The following NWD2 variants were observed in gnomAD, a reference collection of about 807,000 sequenced individuals.
The protein encoded by NWD2 is NACHT and WD repeat domain-containing protein 2.
Under a neutral mutation model 132.7 loss-of-function variants are expected in NWD2, and 37 were observed. The observed-to-expected ratio is 0.28, with a 90% CI of 0.21 to 0.37. The LOEUF is 0.37. Among genes scored for constraint, NWD2 ranks in the 10% least tolerant of loss-of-function variants. NWD2 has a pLI of 1.00. For synonymous variants in NWD2, 705 were observed against 803.0 expected (o/e 0.88, Z 2.06); for missense variants, 1,592 against 2,122.4 (o/e 0.75, Z 4.91).
chr4:37,360,343 C>T (rs1273557775), intron 3 of NWD2, among the ~76,000 whole-genome samples: 1 of 151,956 alleles, frequency 6.6e-6, no homozygotes, highest in Non-Finnish European at 1.5e-5. Context: ...TAATTTTTCC[C>T]CTTAAAAATG....
At chr4:37,440,696 A>G (rs532376771) in intron 6 of NWD2, among the ~76,000 whole-genome samples, 15 of 152,298 alleles carry the variant, frequency 9.8e-5, no homozygotes, top group Admixed American at 4.6e-4. Context: ...ATCTGTTAAC[A>G]GTAGCAAAAC....
intron 3 of NWD2, among the ~76,000 whole-genome samples, chr4:37,377,141 G>A (rs556619297): frequency 6.6e-6 from 1 of 152,162 alleles, no homozygotes; most frequent in African/African-American, 2.4e-5. Context: ...CTCAATTATA[G>A]GCCAGTGACA....
rs993779676 is a variant in NWD2 at position 37,430,829 on chromosome 4, C to T, written c.561+54C>T. 35 of 1,442,666 alleles carry T rather than the reference C, an allele frequency of 2.4e-5. No homozygotes were observed. In the African/African-American group the frequency reaches 3.7e-4, roughly 15 times the overall value. 89.4% of individuals were successfully genotyped at this position (1,442,666 alleles called of 1,614,324 possible). ...ATCTGTCCATTACTACATTTGTTAC[C>T]ATTTATGTCATCCGGGGTGGTGCTG... On this transcript the variant is annotated intron_variant, in intron 4 of 6. Coordinates refer to ENST00000309447, the MANE Select transcript of NWD2 (RefSeq NM_001144990.2).
intron 1 of NWD2, among the ~76,000 whole-genome samples, chr4:37,275,229 A>G (rs1166128375): frequency 2.6e-5 from 4 of 152,226 alleles, no homozygotes; most frequent in African/African-American, 9.7e-5. Flanking sequence ...AACTTCAGCA[A>G]AGTCTCAGGA....
At chr4:37,287,905 C>T (rs1718268362) in intron 1 of NWD2, among the ~76,000 whole-genome samples, 1 of 152,210 alleles carries the variant, frequency 6.6e-6, no homozygotes, top group South Asian at 2.1e-4. Flanking sequence ...GTCATGGAAC[C>T]AACCCAAATG....
At position 37,313,515 on chromosome 4, in the gene NWD2, G is replaced by C. The variant is rs1487443735; in HGVS notation, c.152-12421G>C. Among the ~76,000 whole-genome samples the C allele has an allele frequency of 1.1e-4, 10 of 87,874 alleles. 1 individual carries two copies. Among genetic ancestry groups the C allele is most frequent in the Non-Finnish European group, 2.2e-4 (7 of 32,530 alleles). The allele number at this position is 87,874 out of a possible 152,430, so 57.6% of individuals were successfully genotyped here. ...TTTATTGTGTCTAGTTGATTCTTCT[G>C]TCTTTTTTTCTTTATTAGTCTTGCT... On this transcript the variant is annotated intron_variant, in intron 1 of 6. Transcript: ENST00000309447.
intron 1 of NWD2, among the ~76,000 whole-genome samples, chr4:37,312,657 C>T (rs1718871528): frequency 6.6e-6 from 1 of 150,782 alleles, no homozygotes; most frequent in Admixed American, 6.6e-5. Context: ...CCAGAACTTC[C>T]AACACTATGT....
At chr4:37,319,822 C>T (rs371047291) in intron 1 of NWD2, among the ~76,000 whole-genome samples, 1 of 152,024 alleles carries the variant, frequency 6.6e-6, no homozygotes, top group Non-Finnish European at 1.5e-5. Flanking sequence ...TATTATGTTA[C>T]GTTGGTCTAT....
intron 3 of NWD2, among the ~76,000 whole-genome samples, chr4:37,371,078 C>CTTTTTTTTTT (rs11378524): frequency 5.0e-5 from 6 of 121,202 alleles, no homozygotes; most frequent in African/African-American, 1.2e-4. Context: ...TTTTCTTTTT[C>CTTTTTTTTTT]TTTTTTTTTT....
chr4:37,322,898 A>G (rs1244508882), intron 1 of NWD2, among the ~76,000 whole-genome samples: 1 of 152,188 alleles, frequency 6.6e-6, no homozygotes, highest in Non-Finnish European at 1.5e-5. Flanking sequence ...AAGCTTTAGG[A>G]CTTTAACATC....
rs1040834774 is a variant in NWD2 at position 37,439,903 on chromosome 4, T to C, written c.1296+513T>C. Among the ~76,000 whole-genome samples, 1 of 152,208 alleles carries C rather than the reference T, an allele frequency of 6.6e-6. No homozygotes were observed. The highest frequency in any genetic ancestry group is 1.5e-5 in the Non-Finnish European group (1 of 68,040). On this transcript the variant is annotated intron_variant, in intron 6 of 6. Coordinates refer to ENST00000309447, the MANE Select transcript of NWD2 (RefSeq NM_001144990.2). This position sits in a 1 kb window ranked among gnomAD's most constrained non-coding sequence, Gnocchi z 4.5. ...CCACGTGGCACTTCTTTCTCTCCTTTCCTAATCCCAATGACATTTATGATT... is the reference window on the plus strand; with the variant it reads ...CCACGTGGCACTTCTTTCTCTCCTTCCCTAATCCCAATGACATTTATGATT...
intron 3 of NWD2, among the ~76,000 whole-genome samples, chr4:37,381,375 C>T (rs568127987): frequency 4.6e-5 from 7 of 152,302 alleles, no homozygotes; most frequent in African/African-American, 1.7e-4. Flanking sequence ...AGTGGGATAT[C>T]GAATCCCATT....
chr4:37,276,846 A>G (rs1215875421), intron 1 of NWD2, among the ~76,000 whole-genome samples: 1 of 152,124 alleles, frequency 6.6e-6, no homozygotes, highest in Non-Finnish European at 1.5e-5. Context: ...GATATGGATG[A>G]AGCTGGAAAC....
chr4:37,435,867 T>C (rs1254447818), intron 5 of NWD2, among the ~76,000 whole-genome samples: 3 of 152,220 alleles, frequency 2.0e-5, no homozygotes, highest in Non-Finnish European at 4.4e-5. Flanking sequence ...TTCAAACTCC[T>C]TTTAAGATCA....
intron 1 of NWD2, among the ~76,000 whole-genome samples, chr4:37,299,356 A>G (rs1718565463): frequency 1.3e-5 from 2 of 151,716 alleles, no homozygotes; most frequent in East Asian, 1.9e-4. Flanking sequence ...ACTGTCCCCA[A>G]CCCCCTTCTG....
At chr4:37,422,793 C>A (rs1015805382) in intron 3 of NWD2, among the ~76,000 whole-genome samples, 1 of 152,132 alleles carries the variant, frequency 6.6e-6, no homozygotes, top group Admixed American at 6.5e-5. Flanking sequence ...CTCAGAGAGA[C>A]AAAACAATCT....
chr4:37,288,936 C>T (rs1718300686), intron 1 of NWD2, among the ~76,000 whole-genome samples: 1 of 151,406 alleles, frequency 6.6e-6, no homozygotes, highest in Admixed American at 6.6e-5. Flanking sequence ...AGGGAAACAA[C>T]AGTTATAAAT....
chr4:37,343,348 C>T (rs1719569481), intron 2 of NWD2, among the ~76,000 whole-genome samples: 1 of 152,142 alleles, frequency 6.6e-6, no homozygotes, highest in Non-Finnish European at 1.5e-5. Context: ...GCTCTGTACA[C>T]TTGAATATTT....
At chr4:37,419,452 A>C (rs1056265818) in intron 3 of NWD2, among the ~76,000 whole-genome samples, 1 of 152,226 alleles carries the variant, frequency 6.6e-6, no homozygotes, top group Non-Finnish European at 1.5e-5. Flanking sequence ...CTATCATCAA[A>C]GTAAACAGAC....
Sources: allele counts gnomAD v4.1 joint callset (sites outside exome capture counted in the v4.1 genomes callset), GRCh38; gene constraint gnomAD v4.1.1; non-coding constraint Gnocchi (gnomAD v3.1); transcripts MANE v1.5; gene names NCBI Gene and HGNC (gene_info 2026-07-23, HGNC 2026-07-21).